Variants in ADRA1A observed in about 807,000 individuals in gnomAD.
ADRA1A encodes adrenoceptor alpha 1A.
ADRA1A carries 31 observed loss-of-function variants against 29.6 expected under a neutral mutation model. That is an observed-to-expected ratio of 1.05 (90% CI 0.79 to 1.41). The LOEUF (loss-of-function observed/expected upper bound fraction) is 1.41, where lower values mean the gene tolerates loss of function less well. Among genes scored for constraint, ADRA1A ranks in the 40% most tolerant of loss-of-function variants. The probability of loss-of-function intolerance (pLI) is 0.00; values close to 1 mark genes in which losing one functional copy is unlikely to be tolerated. For missense variants in ADRA1A, 619 were observed against 601.1 expected (o/e 1.03, Z -0.31); for synonymous variants, 311 against 254.3 (o/e 1.22, Z -2.12).
At chr8:26,842,723 AC>A (rs1222062142) in intron 2 of ADRA1A, among the ~76,000 whole-genome samples, 1 of 151,876 alleles carries the variant, frequency 6.6e-6, no homozygotes, top group Non-Finnish European at 1.5e-5. Context: ...CATGGCCAAA[AC>A]CTTTGTCTGG....
chr8:26,804,055 G>A (rs373527753), intron 2 of ADRA1A, among the ~76,000 whole-genome samples: 18 of 150,960 alleles, frequency 1.2e-4, no homozygotes, highest in African/African-American at 4.4e-4. Flanking sequence ...CCAAGTAGCT[G>A]AGGCCGCAGG....
downstream of ADRA1A, among the ~76,000 whole-genome samples, chr8:26,767,211 C>G (rs1025428198): frequency 5.9e-5 from 9 of 152,106 alleles, no homozygotes; most frequent in Non-Finnish European, 1.3e-4. Context: ...TTAGACAATC[C>G]CAAAGCAACT....
intron 2 of ADRA1A, among the ~76,000 whole-genome samples, chr8:26,777,356 C>G (rs1180439226): frequency 3.9e-5 from 6 of 152,136 alleles, no homozygotes; most frequent in Non-Finnish European, 8.8e-5. Context: ...GGGAAGAGTC[C>G]TTAGCTTGTA....
intron 2 of ADRA1A, chr8:26,756,944 C>A: frequency 4.6e-6 from 5 of 1,090,602 alleles, no homozygotes; most frequent in Non-Finnish European, 6.6e-6. Flanking sequence ...AGAGCGGGTT[C>A]TCAAGTTGAG....
At chr8:26,758,996 A>C (rs187265713) in intron 2 of ADRA1A, among the ~76,000 whole-genome samples, 1 of 152,232 alleles carries the variant, frequency 6.6e-6, no homozygotes, top group East Asian at 1.9e-4. Flanking sequence ...AATTTTTACT[A>C]TTTAAACTTT....
At chr8:26,758,707 TC>T (rs1218971183) in intron 2 of ADRA1A, among the ~76,000 whole-genome samples, 3 of 152,300 alleles carry the variant, frequency 2.0e-5, no homozygotes, top group East Asian at 3.9e-4. Context: ...CCAGTGCCCT[TC>T]CTAGCATGGG....
At chr8:26,785,214 G>A (rs111604684) in intron 2 of ADRA1A, among the ~76,000 whole-genome samples, 16 of 152,188 alleles carry the variant, frequency 1.1e-4, no homozygotes, top group African/African-American at 3.9e-4. Flanking sequence ...ATATATTATT[G>A]GACATGACAA....
intron 2 of ADRA1A, among the ~76,000 whole-genome samples, chr8:26,845,113 A>G (rs568699898): frequency 6.6e-6 from 1 of 152,296 alleles, no homozygotes; most frequent in East Asian, 1.9e-4. Flanking sequence ...AAAATTAAAG[A>G]CAGCTGTCCA....
At chr8:26,801,722 C>A (rs931524537) in intron 2 of ADRA1A, among the ~76,000 whole-genome samples, 1 of 151,848 alleles carries the variant, frequency 6.6e-6, no homozygotes, top group African/African-American at 2.4e-5. Flanking sequence ...CAATCCCTAT[C>A]GAAATACCAA....
chr8:26,834,357 T>C (rs1444726911), intron 2 of ADRA1A, among the ~76,000 whole-genome samples: 2 of 152,194 alleles, frequency 1.3e-5, no homozygotes, highest in African/African-American at 4.8e-5. Context: ...GACAAAATAA[T>C]TCTAAATTTT....
In ADRA1A at chr8:26,864,751, G is replaced by A. The variant is rs1813771026; in HGVS notation, c.219C>T (p.Leu73=). The change falls in exon 2 of 3, where the codon CTC becomes CTT. Residue 73 remains leucine (L), a synonymous_variant. Transcript: ENST00000380573. The surrounding 1 kb of genome is among the most constrained non-coding windows in gnomAD (Gnocchi z 8.1). The part of the protein sequence containing the change: ...YYIVNLAVAD[L]LLTSTVLPFS... ...AGGGCAGCACCGTGGAGGTGAGCAG[G>A]AGGTCGGCCACCGCCAGGTTGACGA... The A allele has an allele frequency of 6.2e-7, 1 of 1,614,160 alleles. No homozygotes were observed. Among genetic ancestry groups the A allele is most frequent in the Non-Finnish European group, 8.5e-7 (1 of 1,180,020 alleles).
chr8:26,858,765 C>T (rs1813221934), intron 2 of ADRA1A, among the ~76,000 whole-genome samples: 1 of 152,176 alleles, frequency 6.6e-6, no homozygotes, highest in Non-Finnish European at 1.5e-5. Flanking sequence ...AGCATTTGCT[C>T]CAAAGTATAA....
At chr8:26,768,024 A>G (rs1489753008), downstream of ADRA1A, among the ~76,000 whole-genome samples, 1 of 152,224 alleles carries the variant, frequency 6.6e-6, no homozygotes, top group African/African-American at 2.4e-5. Context: ...TCAGTGCCAG[A>G]ATCCAAGTTC....
chr8:26,780,271 A>G (rs1349173424), intron 2 of ADRA1A, among the ~76,000 whole-genome samples: 1 of 152,142 alleles, frequency 6.6e-6, no homozygotes. Context: ...TTTACCTTCT[A>G]TGAGTGTCTC....
intron 2 of ADRA1A, among the ~76,000 whole-genome samples, chr8:26,855,042 G>A (rs1414855953): frequency 1.3e-5 from 2 of 152,176 alleles, no homozygotes; most frequent in South Asian, 4.1e-4. Flanking sequence ...CCAGCCTCGA[G>A]GATTGTGAGA....
At chr8:26,755,637 T>C (rs1309789061), downstream of ADRA1A, among the ~76,000 whole-genome samples, 3 of 152,184 alleles carry the variant, frequency 2.0e-5, no homozygotes, top group African/African-American at 7.2e-5. Context: ...GGATTCACCG[T>C]AGAGATCACC....
At chr8:26,824,397 A>G (rs1382114969) in intron 2 of ADRA1A, among the ~76,000 whole-genome samples, 11 of 152,170 alleles carry the variant, frequency 7.2e-5, no homozygotes, top group Admixed American at 7.2e-4. Context: ...CGGTCAAGGC[A>G]GCCTCCTTCA....
At chr8:26,811,953 AC>A (rs1474286336) in intron 2 of ADRA1A, among the ~76,000 whole-genome samples, 2 of 152,226 alleles carry the variant, frequency 1.3e-5, no homozygotes, top group African/African-American at 4.8e-5. Flanking sequence ...CAATTTATTT[AC>A]CTATTCCACA....
chr8:26,835,701 A>C (rs1811300956), intron 2 of ADRA1A: 1 of 152,156 alleles, frequency 6.6e-6, no homozygotes, highest in African/African-American at 2.4e-5. Flanking sequence ...TTGGGTGGGG[A>C]TATACTCAAA....
Sources: allele counts gnomAD v4.1 joint callset (sites outside exome capture counted in the v4.1 genomes callset), GRCh38; gene constraint gnomAD v4.1.1; non-coding constraint Gnocchi (gnomAD v3.1); transcripts MANE v1.5; gene names NCBI Gene and HGNC (gene_info 2026-07-23, HGNC 2026-07-21).